The following PPP1R16B variants were observed in gnomAD, a reference collection of about 807,000 sequenced individuals.
PPP1R16B encodes protein phosphatase 1 regulatory subunit 16B, also known as protein phosphatase 1 regulatory inhibitor subunit 16B.
Under a neutral mutation model 61.7 loss-of-function variants are expected in PPP1R16B, and 14 were observed. That is an observed-to-expected ratio of 0.23 (90% CI 0.15 to 0.35). The LOEUF is 0.35. PPP1R16B is among the 10% of genes least tolerant of loss of function. The pLI, the probability that PPP1R16B is intolerant of heterozygous loss-of-function variation, is 1.00. For synonymous variants in PPP1R16B, 266 were observed against 305.3 expected, an observed-to-expected ratio of 0.87 and a Z score of 1.34; for missense variants, 547 against 752.5, an observed-to-expected ratio of 0.73 and a Z score of 3.19.
At chr20:38,837,719 T>A (rs947805411) in intron 2 of PPP1R16B, among the ~76,000 whole-genome samples, 21 of 151,902 alleles carry the variant, frequency 1.4e-4, no homozygotes, top group Non-Finnish European at 2.1e-4. Context: ...GCTATTTTTT[T>A]AAATTTTTAG....
chr20:38,850,053 A>G (rs1459339854), intron 2 of PPP1R16B, among the ~76,000 whole-genome samples: 1 of 152,240 alleles, frequency 6.6e-6, no homozygotes, highest in Non-Finnish European at 1.5e-5. Context: ...GCACTTGTGG[A>G]TGCATGAGAC....
intron 1 of PPP1R16B, among the ~76,000 whole-genome samples, chr20:38,817,323 G>A (rs1162321186): frequency 1.3e-5 from 2 of 152,206 alleles, no homozygotes. Flanking sequence ...AGCACTTTGG[G>A]AGGCCAAGCT....
At chr20:38,869,926 A>AT (rs879259446) in intron 2 of PPP1R16B, among the ~76,000 whole-genome samples, 51 of 145,792 alleles carry the variant, frequency 3.5e-4, no homozygotes, top group South Asian at 1.1e-3. Context: ...TTATTTATTT[A>AT]TTTTTTTTTT....
At position 38,806,827 on chromosome 20, in the gene PPP1R16B, A is replaced by G. The variant is rs2084665281; in HGVS notation, c.-102+1035A>G. On this transcript the variant is annotated intron_variant, in intron 1 of 10. Coordinates refer to ENST00000299824, the MANE Select transcript of PPP1R16B (RefSeq NM_015568.4). This position sits in a 1 kb window ranked among gnomAD's most constrained non-coding sequence, Gnocchi z 4.5. ...TTGAATCTGGCCCTCCTGAGACCCC[A>G]GGGCTGCGCCGCTGCCGCGCGCCAG... Among the ~76,000 whole-genome samples the G allele has an allele frequency of 6.6e-6, 1 of 152,044 alleles. No individual in the cohort carries two copies. Among genetic ancestry groups the G allele is most frequent in the Non-Finnish European group, 1.5e-5 (1 of 67,990 alleles).
intron 2 of PPP1R16B, among the ~76,000 whole-genome samples, chr20:38,852,471 G>A (rs1487696050): frequency 6.6e-6 from 1 of 152,148 alleles, no homozygotes; most frequent in African/African-American, 2.4e-5. Flanking sequence ...GGTCAACCAT[G>A]GTCGATCACC....
chr20:38,822,042 A>G (rs11905208), intron 1 of PPP1R16B, among the ~76,000 whole-genome samples: 13,042 of 147,460 alleles, frequency 0.088, 600 homozygotes, highest in East Asian at 0.11. Context: ...AATTTATAAT[A>G]TAAATATAAT....
chr20:38,830,328 A>G (rs2084829153), intron 1 of PPP1R16B, among the ~76,000 whole-genome samples: 1 of 152,210 alleles, frequency 6.6e-6, no homozygotes, highest in Non-Finnish European at 1.5e-5. Context: ...AGTTTATATG[A>G]GTGCTTCTCT....
At chr20:38,870,368 C>G (rs1197832767) in intron 2 of PPP1R16B, among the ~76,000 whole-genome samples, 1 of 152,142 alleles carries the variant, frequency 6.6e-6, no homozygotes, top group Non-Finnish European at 1.5e-5. Flanking sequence ...ACATAACCTA[C>G]CATTTAAAAG....
intron 1 of PPP1R16B, among the ~76,000 whole-genome samples, chr20:38,822,717 A>T (rs908841815): frequency 5.9e-5 from 9 of 152,158 alleles, no homozygotes; most frequent in Non-Finnish European, 1.3e-4. Context: ...AATAGGATTT[A>T]AATTAAAAAT....
intron 1 of PPP1R16B, among the ~76,000 whole-genome samples, chr20:38,815,976 C>G (rs1206543350): frequency 1.3e-5 from 2 of 151,924 alleles, no homozygotes; most frequent in South Asian, 2.1e-4. Flanking sequence ...TTGATAAACT[C>G]TATATTCATT....
At chr20:38,847,234 T>C (rs1291010351) in intron 2 of PPP1R16B, among the ~76,000 whole-genome samples, 2 of 152,214 alleles carry the variant, frequency 1.3e-5, no homozygotes, top group Non-Finnish European at 2.9e-5. Flanking sequence ...TTTGCTGATA[T>C]ATTTGATATA....
chr20:38,808,842 G>T (rs1409335026), intron 1 of PPP1R16B, among the ~76,000 whole-genome samples: 1 of 152,026 alleles, frequency 6.6e-6, no homozygotes, highest in Non-Finnish European at 1.5e-5. Context: ...GAGACCAGCT[G>T]GCCAACATGG....
At chr20:38,910,579 G>A (rs575669696) in intron 10 of PPP1R16B, among the ~76,000 whole-genome samples, 1 of 150,838 alleles carries the variant, frequency 6.6e-6, no homozygotes, top group South Asian at 2.1e-4. Flanking sequence ...TGTTGCCTGG[G>A]CTGGAGTGCA....
intron 1 of PPP1R16B, among the ~76,000 whole-genome samples, chr20:38,831,555 A>T (rs763971706): frequency 1.3e-5 from 2 of 152,212 alleles, no homozygotes; most frequent in African/African-American, 2.4e-5. Flanking sequence ...GATGTCAGTT[A>T]GTGAGGGCAG....
chr20:38,859,793 T>A (rs940678471), intron 2 of PPP1R16B, among the ~76,000 whole-genome samples: 3 of 152,194 alleles, frequency 2.0e-5, no homozygotes, highest in Admixed American at 2.0e-4. Flanking sequence ...GCCTGGCTAG[T>A]AATTCTTAAA....
intron 2 of PPP1R16B, among the ~76,000 whole-genome samples, chr20:38,861,095 T>A (rs1269946759): frequency 6.6e-6 from 1 of 152,200 alleles, no homozygotes; most frequent in Admixed American, 6.5e-5. Context: ...ACAGGCAGCA[T>A]GAGTGGAGAA....
At chr20:38,878,909 G>A (rs1048574932) in intron 2 of PPP1R16B, among the ~76,000 whole-genome samples, 6 of 152,164 alleles carry the variant, frequency 3.9e-5, no homozygotes, top group African/African-American at 1.4e-4. Flanking sequence ...GGTGAGAGAT[G>A]GGTTTTAGAG....
In PPP1R16B at chr20:38,855,970, A is replaced by AAGGAGGAGGAGGAG. The variant is rs1329898521; in HGVS notation, c.250+19795_250+19796insAGGAGGAGGAGGAG. 9.5e-4 allele frequency among the ~76,000 whole-genome samples: 24 copies of AAGGAGGAGGAGGAG among 25,138 alleles called. 1 individual carries two copies. The highest frequency in any genetic ancestry group is 1.7e-3 in the African/African-American group (6 of 3,618). The allele number at this position is 25,138 out of a possible 152,430, so 16.5% of individuals were successfully genotyped here. A position where few individuals can be genotyped will look rare whatever the true frequency, so the allele number is the denominator to read the frequency against. On this transcript the variant is annotated intron_variant, in intron 2 of 10. Transcript: ENST00000299824. ...GAGAGAGAGAGAGAGAGAGAGAGAG[A>AAGGAGGAGGAGGAG]GAGAGAGAGAGAAGGAGGAGGAGAG...
chr20:38,838,819 T>C (rs2084890059), intron 2 of PPP1R16B, among the ~76,000 whole-genome samples: 1 of 152,244 alleles, frequency 6.6e-6, no homozygotes, highest in Non-Finnish European at 1.5e-5. Flanking sequence ...GATGTCTTGT[T>C]TCCTGGTTAG....
Sources: allele counts gnomAD v4.1 joint callset (sites outside exome capture counted in the v4.1 genomes callset), GRCh38; gene constraint gnomAD v4.1.1; non-coding constraint Gnocchi (gnomAD v3.1); transcripts MANE v1.5; gene names NCBI Gene and HGNC (gene_info 2026-07-23, HGNC 2026-07-21).